The following MTERF4 variants were observed in gnomAD, a reference collection of about 807,000 sequenced individuals.
MTERF4 encodes the protein transcription termination factor 4, mitochondrial.
MTERF4 carries 17 observed loss-of-function variants against 22.5 expected under a neutral mutation model. The ratio of observed to expected loss-of-function variants is 0.75; its 90% CI spans 0.52 to 1.13. MTERF4 has a LOEUF of 1.13. Ranked by LOEUF, MTERF4 falls within the 50% of genes most tolerant of loss-of-function variation. The pLI, the probability that MTERF4 is intolerant of heterozygous loss-of-function variation, is 0.00. For synonymous variants in MTERF4, 165 were observed against 175.3 expected (o/e 0.94, Z 0.47); for missense variants, 420 against 466.8 (o/e 0.90, Z 0.92).
At chr2:241,064,155 C>T in the MTERF4 span, 14 of 1,401,020 alleles carry the variant, frequency 1.0e-5, no homozygotes, top group Admixed American at 2.1e-5. The surrounding 1 kb of genome is among the most constrained non-coding windows in gnomAD (Gnocchi z 7.0). Flanking sequence ...TGCTCCCCGC[C>T]CTCTGCCCGC....
chr2:241,073,559 A>G lies in MTERF4; in HGVS notation n.2603T>C. On this transcript the variant is annotated non_coding_transcript_exon_variant, in exon 5 of 5. Coordinates refer to the MTERF4 transcript ENST00000464344. The surrounding 1 kb of genome is among the most constrained non-coding windows in gnomAD (Gnocchi z 6.6). ...CACCACCCAAGCAGTGGGACCCCACAGACGGGAACAGGCCAGGGGGCAGGA... is the reference window on the plus strand; with the variant it reads ...CACCACCCAAGCAGTGGGACCCCACGGACGGGAACAGGCCAGGGGGCAGGA... 1 of 629,782 alleles carries G rather than the reference A, an allele frequency of 1.6e-6. No individual in the cohort carries two copies. The highest frequency in any genetic ancestry group is 2.9e-6 in the Non-Finnish European group (1 of 344,944). The allele number at this position is 629,782 out of a possible 1,614,324, so 39.0% of individuals were successfully genotyped here.
At chr2:241,047,271 C>A in the MTERF4 span, among the ~76,000 whole-genome samples, 1 of 151,650 alleles carries the variant, frequency 6.6e-6, no homozygotes, top group Non-Finnish European at 1.5e-5. Context: ...TAGGAGGGAC[C>A]TTTTATAACG....
chr2:241,100,775 C>T (rs2064669625), intron 1 of MTERF4, among the ~76,000 whole-genome samples: 2 of 152,094 alleles, frequency 1.3e-5, no homozygotes, highest in Non-Finnish European at 2.9e-5. Flanking sequence ...GTAAGGCTTC[C>T]AGTCATGAGT....
At chr2:241,092,264 TTTTA>T (rs2064076571), downstream of MTERF4, 1 of 152,240 alleles carries the variant, frequency 6.6e-6, no homozygotes, top group Non-Finnish European at 1.5e-5. This position sits in a 1 kb window ranked among gnomAD's most constrained non-coding sequence, Gnocchi z 4.6. Context: ...GTTCAGACTT[TTTTA>T]GACAACGGCG....
At chr2:241,068,835 G>A, downstream of MTERF4, 1 of 1,021,086 alleles carries the variant, frequency 9.8e-7, no homozygotes, top group East Asian at 2.7e-5. The surrounding 1 kb of genome is among the most constrained non-coding windows in gnomAD (Gnocchi z 5.3). Context: ...CTGCCTGGGG[G>A]AGCTGCGGTC....
the MTERF4 span, among the ~76,000 whole-genome samples, chr2:241,058,875 G>A: frequency 6.6e-6 from 1 of 152,178 alleles, no homozygotes; most frequent in South Asian, 2.1e-4. Context: ...GTGTGAACCT[G>A]GGAGGCGGAG....
At chr2:241,087,802 C>A (rs1483740628), downstream of MTERF4, 8 of 792,772 alleles carry the variant, frequency 1.0e-5, no homozygotes, top group Non-Finnish European at 1.4e-5. Context: ...GCCGATATAG[C>A]GCGTCGCTCT....
chr2:241,090,334 C>T, downstream of MTERF4: 1 of 1,550,308 alleles, frequency 6.5e-7, no homozygotes, highest in Non-Finnish European at 8.7e-7. Context: ...GTCCCAGTAA[C>T]ACACATGGAG....
chr2:241,061,532 GA>G, the MTERF4 span, among the ~76,000 whole-genome samples: 2 of 152,086 alleles, frequency 1.3e-5, no homozygotes, highest in East Asian at 3.9e-4. Context: ...ATAAACCTAA[GA>G]AAAACTTCAC....
chr2:241,059,834 C>T, the MTERF4 span, among the ~76,000 whole-genome samples: 14 of 152,182 alleles, frequency 9.2e-5, no homozygotes, highest in Admixed American at 5.2e-4. Flanking sequence ...AAAGACTCCA[C>T]CTGGAATCCG....
At chr2:241,061,629 G>A in the MTERF4 span, among the ~76,000 whole-genome samples, 1 of 152,176 alleles carries the variant, frequency 6.6e-6, no homozygotes, top group Admixed American at 6.5e-5. Context: ...ACTCATGCCT[G>A]TAATCCCAGC....
chr2:241,071,436 G>C (rs2062709577), downstream of MTERF4: 1 of 981,366 alleles, frequency 1.0e-6, no homozygotes, highest in East Asian at 2.6e-5. Flanking sequence ...AAGCACCTTG[G>C]ATGACCACGG....
At chr2:241,048,668 C>G in the MTERF4 span, 21 of 1,609,598 alleles carry the variant, frequency 1.3e-5, no homozygotes, top group African/African-American at 2.5e-4. Context: ...GCAGGAGTCC[C>G]CGATGACTGT....
downstream of MTERF4, chr2:241,071,481 C>T (rs1007446743): frequency 4.0e-5 from 56 of 1,417,316 alleles, no homozygotes; most frequent in Admixed American, 8.4e-4. Context: ...TCTCCAAGCA[C>T]GGCTGAGTGT....
At position 241,073,450 on chromosome 2, in the gene MTERF4, C is replaced by A; in HGVS notation, n.2712G>T. ...GGCTGCAGGCAGGAGGGACCACCCA[C>A]GGTGAGGAATCAGGAGGCACAGAGC... On this transcript the variant is annotated non_coding_transcript_exon_variant, in exon 5 of 5. Transcript: ENST00000464344. This position sits in a 1 kb window ranked among gnomAD's most constrained non-coding sequence, Gnocchi z 6.6. 9.0e-7 allele frequency: 1 copy of A among 1,114,374 alleles called. No homozygotes were observed. The allele number at this position is 1,114,374 out of a possible 1,614,324, so 69.0% of individuals were successfully genotyped here.
At chr2:241,091,313 G>T (rs921549456), downstream of MTERF4, among the ~76,000 whole-genome samples, 1 of 152,226 alleles carries the variant, frequency 6.6e-6, no homozygotes, top group African/African-American at 2.4e-5. This position sits in a 1 kb window ranked among gnomAD's most constrained non-coding sequence, Gnocchi z 4.1. Context: ...CCGGAAGGAG[G>T]AGGGCAGGGA....
chr2:241,089,974 G>A, downstream of MTERF4: 2 of 1,546,872 alleles, frequency 1.3e-6, no homozygotes, highest in African/African-American at 1.4e-5. Context: ...ATAAAAAATG[G>A]TATACCTGGG....
downstream of MTERF4, among the ~76,000 whole-genome samples, chr2:241,083,007 G>A (rs2063403028): frequency 3.3e-5 from 5 of 152,364 alleles, no homozygotes; most frequent in South Asian, 1.0e-3. Context: ...CATCAGAACA[G>A]AGCAGACCAA....
downstream of MTERF4, chr2:241,082,370 T>C (rs368192245): frequency 1.2e-6 from 2 of 1,609,878 alleles, no homozygotes; most frequent in African/African-American, 1.3e-5. Flanking sequence ...CACGTGTAAG[T>C]TGGTTTCTGT....
Sources: gnomAD v4.1 joint callset for allele counts (sites outside exome capture counted in the v4.1 genomes callset) on GRCh38, gnomAD v4.1.1 for gene constraint, Gnocchi (gnomAD v3.1) non-coding constraint, MANE v1.5 for transcripts, NCBI Gene and HGNC (gene_info 2026-07-23, HGNC 2026-07-21) for gene names.